Variants in SPOCK1 observed in about 807,000 individuals in gnomAD.
SPOCK1 encodes SPARC (osteonectin), cwcv and kazal like domains proteoglycan 1, also known as testican-1.
SPOCK1 carries 23 observed loss-of-function variants against 55.3 expected under a neutral mutation model. The observed-to-expected ratio is 0.42, with a 90% CI of 0.30 to 0.59. The LOEUF (loss-of-function observed/expected upper bound fraction) is 0.59, where lower values mean the gene tolerates loss of function less well. SPOCK1 is among the 20% of genes least tolerant of loss of function. The pLI, the probability that SPOCK1 is intolerant of heterozygous loss-of-function variation, is 0.22. For missense variants in SPOCK1, 499 were observed against 552.5 expected, an observed-to-expected ratio of 0.90 and a Z score of 0.97; for synonymous variants, 226 against 221.0, an observed-to-expected ratio of 1.02 and a Z score of -0.20.
At chr5:137,244,258 C>CA (rs565667224) in intron 3 of SPOCK1, among the ~76,000 whole-genome samples, 19 of 152,180 alleles carry the variant, frequency 1.2e-4, no homozygotes, top group Middle Eastern at 3.4e-3. Context: ...CAGGGATCCA[C>CA]AAAAAACAAA....
chr5:137,113,422 T>A (rs150268239), intron 4 of SPOCK1, among the ~76,000 whole-genome samples: 1 of 152,194 alleles, frequency 6.6e-6, no homozygotes, highest in African/African-American at 2.4e-5. Flanking sequence ...GGATAGCCCA[T>A]CAATCAGGCA....
chr5:137,324,630 G>T (rs1246902635), intron 2 of SPOCK1, among the ~76,000 whole-genome samples: 1 of 152,088 alleles, frequency 6.6e-6, no homozygotes, highest in Non-Finnish European at 1.5e-5. Context: ...TGAAGCAGAA[G>T]AAAAATGGAG....
chr5:136,994,221 T>C (rs1009086946), intron 6 of SPOCK1, among the ~76,000 whole-genome samples: 4 of 152,196 alleles, frequency 2.6e-5, no homozygotes, highest in African/African-American at 9.7e-5. Context: ...CAGTTTTTAA[T>C]GACCTTAAAA....
chr5:137,313,674 C>T (rs1024413357), intron 2 of SPOCK1: 1 of 197,654 alleles, frequency 5.1e-6, no homozygotes, highest in Non-Finnish European at 9.1e-6. Context: ...CAAGCTACAA[C>T]CCACTGCTTG....
chr5:137,097,309 C>A (rs773985155), intron 5 of SPOCK1, among the ~76,000 whole-genome samples: 17 of 152,202 alleles, frequency 1.1e-4, no homozygotes, highest in Non-Finnish European at 1.0e-4. Flanking sequence ...GACTCCCTTG[C>A]ACATTTGGCA....
intron 2 of SPOCK1, among the ~76,000 whole-genome samples, chr5:137,388,097 G>C (rs186366788): frequency 6.3e-4 from 96 of 152,258 alleles, no homozygotes; most frequent in African/African-American, 2.3e-3. Context: ...TGCATTTAAA[G>C]GGAAAAATAG....
Position 137,445,795 on chromosome 5 carries a change from C to T in SPOCK1, c.186+52578G>A, listed in dbSNP as rs866104680. ...AGACATGGTCTGAAGAATTTATAAA[C>T]GGTATAGCCACTTCTCACTGCTAGC... On this transcript the variant is annotated intron_variant, in intron 2 of 10. Coordinates refer to ENST00000394945, the MANE Select transcript of SPOCK1 (RefSeq NM_004598.4). Among the ~76,000 whole-genome samples the T allele has an allele frequency of 4.6e-5, 7 of 152,122 alleles. No individual in the cohort carries two copies. The East Asian group carries it at 5.8e-4, about 13-fold the overall frequency.
At chr5:137,457,754 C>G (rs1210874145) in intron 2 of SPOCK1, among the ~76,000 whole-genome samples, 1 of 152,150 alleles carries the variant, frequency 6.6e-6, no homozygotes, top group Admixed American at 6.5e-5. Flanking sequence ...TTACTACATT[C>G]CTTTTATTTC....
chr5:137,079,029 C>T (rs999168633), intron 5 of SPOCK1, among the ~76,000 whole-genome samples: 1 of 152,190 alleles, frequency 6.6e-6, no homozygotes, highest in African/African-American at 2.4e-5. Flanking sequence ...GCAGACCACG[C>T]TTACTCCCCC....
chr5:137,016,792 G>C (rs770800227), intron 6 of SPOCK1, among the ~76,000 whole-genome samples: 5 of 152,250 alleles, frequency 3.3e-5, no homozygotes, highest in Non-Finnish European at 7.3e-5. Flanking sequence ...TGTATTTTAA[G>C]AGAGCAAAAC....
At chr5:137,382,300 C>T (rs1214488145) in intron 2 of SPOCK1, among the ~76,000 whole-genome samples, 1 of 152,244 alleles carries the variant, frequency 6.6e-6, no homozygotes, top group Non-Finnish European at 1.5e-5. Flanking sequence ...AAGTTCCAAA[C>T]TTTCCCACAT....
At chr5:137,387,175 A>T (rs1751615521) in intron 2 of SPOCK1, among the ~76,000 whole-genome samples, 2 of 152,206 alleles carry the variant, frequency 1.3e-5, no homozygotes, top group African/African-American at 4.8e-5. Flanking sequence ...GCTGATAGGA[A>T]CTCTCATGCA....
intron 8 of SPOCK1, among the ~76,000 whole-genome samples, chr5:136,987,641 T>TTGTC (rs1269223698): frequency 1.3e-5 from 2 of 152,228 alleles, no homozygotes; most frequent in African/African-American, 4.8e-5. Flanking sequence ...TGTGTGTGTA[T>TTGTC]TGTCTATGCA....
intron 3 of SPOCK1, among the ~76,000 whole-genome samples, chr5:137,233,819 C>A (rs908209779): frequency 7.7e-6 from 1 of 129,470 alleles, no homozygotes; most frequent in Non-Finnish European, 1.6e-5. Flanking sequence ...AAAAAAATTT[C>A]TTGGGATTTA....
rs887977924 is a variant in SPOCK1, at chr5:137,418,266, C to T, written c.186+80107G>A. 7.9e-5 allele frequency among the ~76,000 whole-genome samples: 12 copies of T among 152,114 alleles called. No individual in the cohort carries two copies. In the South Asian group the frequency reaches 8.3e-4, roughly 11 times the overall value. On this transcript the variant is annotated intron_variant, in intron 2 of 10. Coordinates refer to ENST00000394945, the MANE Select transcript of SPOCK1 (RefSeq NM_004598.4). ...TGTGAATAGTGCCGCAATAAACACA[C>T]GTGTACATGTGTCTTTATAGCAGCA...
intron 5 of SPOCK1, among the ~76,000 whole-genome samples, chr5:137,099,498 T>C (rs1484486330): frequency 1.3e-5 from 2 of 152,098 alleles, no homozygotes; most frequent in Admixed American, 1.3e-4. Flanking sequence ...TTTCTCTCTC[T>C]AACCAGAGTC....
chr5:137,182,308 C>T (rs536617015), intron 3 of SPOCK1, among the ~76,000 whole-genome samples: 2 of 152,266 alleles, frequency 1.3e-5, no homozygotes, highest in African/African-American at 4.8e-5. Context: ...GGTCTTTGCT[C>T]CTGCAGTGCC....
chr5:137,171,324 T>C lies in SPOCK1; in HGVS notation c.233-30630A>G, dbSNP rs1175445369. On this transcript the variant is annotated intron_variant, in intron 3 of 10. Transcript: ENST00000394945. ...TCTTGCATATCTTTCTCCCTGATGG[T>C]GAGCTCCTTGGGGACCGAAAGGGGA... Among the ~76,000 whole-genome samples, 12 of 152,260 alleles carry C rather than the reference T, an allele frequency of 7.9e-5. No individual in the cohort carries two copies. In the East Asian group the frequency reaches 2.3e-3, roughly 29 times the overall value.
At chr5:137,229,841 C>T (rs184522068) in intron 3 of SPOCK1, among the ~76,000 whole-genome samples, 3 of 152,210 alleles carry the variant, frequency 2.0e-5, no homozygotes, top group Admixed American at 1.3e-4. Flanking sequence ...ATGTACAGCT[C>T]ACAATAGGGT....
Sources: allele counts gnomAD v4.1 joint callset (sites outside exome capture counted in the v4.1 genomes callset), GRCh38; gene constraint gnomAD v4.1.1; transcripts MANE v1.5; gene names NCBI Gene and HGNC (gene_info 2026-07-23, HGNC 2026-07-21).